GSE1: variants seen among roughly 807,000 people sequenced by gnomAD.
GSE1 encodes genetic suppressor element 1.
A neutral mutation model predicts 112.6 loss-of-function variants in GSE1; 32 were observed. That is an observed-to-expected ratio of 0.28 (90% confidence interval 0.21 to 0.38). GSE1 has a LOEUF of 0.38. GSE1 is among the 10% of genes least tolerant of loss of function. The pLI, the probability that GSE1 is intolerant of heterozygous loss-of-function variation, is 1.00. For missense variants in GSE1, 2,348 were observed against 1,699.2 expected, an observed-to-expected ratio of 1.38 and a Z score of -6.71; for synonymous variants, 1,115 against 735.6, an observed-to-expected ratio of 1.52 and a Z score of -8.35.
intron 2 of GSE1, among the ~76,000 whole-genome samples, chr16:85,450,965 T>G (rs1340905293): frequency 6.7e-6 from 1 of 148,880 alleles, no homozygotes; most frequent in Non-Finnish European, 1.5e-5. Flanking sequence ...TCCCAGCTAC[T>G]AGGGAGGCCA....
chr16:85,385,333 T>C (rs1477690159), intron 2 of GSE1, among the ~76,000 whole-genome samples: 2 of 152,216 alleles, frequency 1.3e-5, no homozygotes, highest in East Asian at 3.8e-4. Flanking sequence ...CCTGACGCCA[T>C]CTGTGTGTGA....
chr16:85,343,790 G>A (rs1017530720), intron 1 of GSE1, among the ~76,000 whole-genome samples: 2 of 152,126 alleles, frequency 1.3e-5, no homozygotes, highest in Non-Finnish European at 2.9e-5. Flanking sequence ...TCAAAATGAT[G>A]TCTCTTCAGC....
chr16:85,279,634 A>T (rs1396221655), intron 1 of GSE1, among the ~76,000 whole-genome samples: 60 of 149,450 alleles, frequency 4.0e-4, no homozygotes, highest in African/African-American at 1.5e-3. Flanking sequence ...AATCAATCAA[A>T]CAGTGATGTA....
chr16:85,461,923 G>A (rs1018582260), intron 2 of GSE1, among the ~76,000 whole-genome samples: 1 of 152,088 alleles, frequency 6.6e-6, no homozygotes, highest in Admixed American at 6.5e-5. Flanking sequence ...TCTCCTCCCA[G>A]CCCATGGCTC....
intron 1 of GSE1, among the ~76,000 whole-genome samples, chr16:85,204,573 C>T (rs2075083019): frequency 6.6e-6 from 1 of 152,246 alleles, no homozygotes; most frequent in African/African-American, 2.4e-5. Context: ...CACCACCTCA[C>T]CAGCACTTCT....
intron 1 of GSE1, among the ~76,000 whole-genome samples, chr16:85,231,409 GGGATGGAT>G (rs56082032): frequency 4.7e-5 from 7 of 147,862 alleles, no homozygotes; most frequent in East Asian, 2.1e-4. Context: ...GCTGGACAGA[GGGATGGAT>G]GGATGGATGG....
Position 85,620,447 on chromosome 16 carries a change from G to A in GSE1, c.7+7049G>A, listed in dbSNP as rs545829051. ...ATTTTTTCCATTCACTTAAATATACGAGGATCCACTAGACAGCCGATGCTA... is the reference window on the plus strand; with the variant it reads ...ATTTTTTCCATTCACTTAAATATACAAGGATCCACTAGACAGCCGATGCTA... On this transcript the variant is annotated intron_variant, in intron 1 of 15. Transcript: ENST00000253458. Among the ~76,000 whole-genome samples the A allele has an allele frequency of 5.3e-5, 8 of 152,286 alleles. No individual in the cohort carries two copies. In the South Asian group the frequency reaches 1.2e-3, roughly 24 times the overall value.
intron 1 of GSE1, among the ~76,000 whole-genome samples, chr16:85,580,715 G>C (rs2046413732): frequency 1.3e-5 from 2 of 152,224 alleles, no homozygotes; most frequent in Admixed American, 1.3e-4. Context: ...TAAGGAAATA[G>C]TTATGGTTAA....
chr16:85,180,070 G>C (rs2074550439), intron 1 of GSE1, among the ~76,000 whole-genome samples: 1 of 152,266 alleles, frequency 6.6e-6, no homozygotes, highest in South Asian at 2.1e-4. Flanking sequence ...GCCTGGCTCT[G>C]TGAGCCCATG....
chr16:85,453,820 G>A (rs1027486852), intron 2 of GSE1, among the ~76,000 whole-genome samples: 1 of 152,178 alleles, frequency 6.6e-6, no homozygotes, highest in African/African-American at 2.4e-5. Context: ...TCTGACCTCG[G>A]CCGGCCCCAC....
At position 85,665,000 on chromosome 16, in the gene GSE1, C is replaced by G; in HGVS notation, c.2645-15C>G. On this transcript the variant is annotated splice_polypyrimidine_tract_variant and intron_variant, in intron 11 of 15. Coordinates refer to ENST00000253458, the MANE Select transcript of GSE1 (RefSeq NM_014615.5). ...ATGCAACTGGCTCGTTAATCTCAGGCTGCTTTTCTCATAGACAAAGAGAGA... is the reference window on the plus strand; with the variant it reads ...ATGCAACTGGCTCGTTAATCTCAGGGTGCTTTTCTCATAGACAAAGAGAGA... The G allele has an allele frequency of 1.3e-6, 2 of 1,512,460 alleles. No individual in the cohort carries two copies. Among genetic ancestry groups the G allele is most frequent in the Non-Finnish European group, 1.8e-6 (2 of 1,087,654 alleles). The allele number at this position is 1,512,460 out of a possible 1,614,324, so 93.7% of individuals were successfully genotyped here.
At chr16:85,599,013 T>C (rs1014928662) in intron 1 of GSE1, among the ~76,000 whole-genome samples, 6 of 152,220 alleles carry the variant, frequency 3.9e-5, no homozygotes, top group Non-Finnish European at 8.8e-5. Context: ...TCTTGGATGT[T>C]GTGAATTAAA....
chr16:85,479,506 G>A (rs1381726310), intron 2 of GSE1, among the ~76,000 whole-genome samples: 1 of 152,016 alleles, frequency 6.6e-6, no homozygotes, highest in Non-Finnish European at 1.5e-5. Flanking sequence ...GTTTCTCCAC[G>A]TTGACCAGGC....
intron 1 of GSE1, among the ~76,000 whole-genome samples, chr16:85,295,965 G>A (rs1159396058): frequency 2.0e-5 from 3 of 152,060 alleles, no homozygotes; most frequent in African/African-American, 4.8e-5. Flanking sequence ...AAGGGCGACC[G>A]TCACTGCTGC....
chr16:85,391,791 C>T (rs1449116469), intron 2 of GSE1, among the ~76,000 whole-genome samples: 1 of 152,126 alleles, frequency 6.6e-6, no homozygotes, highest in Non-Finnish European at 1.5e-5. Flanking sequence ...GCTTGTGGGG[C>T]CTCACTGGCA....
chr16:85,603,982 C>T (rs2047575441), intron 1 of GSE1, among the ~76,000 whole-genome samples: 1 of 152,092 alleles, frequency 6.6e-6, no homozygotes, highest in Admixed American at 6.5e-5. Flanking sequence ...ATAATTGGTT[C>T]ATGGTTCTGC....
At chr16:85,305,269 C>A (rs577050193) in intron 1 of GSE1, among the ~76,000 whole-genome samples, 3 of 152,320 alleles carry the variant, frequency 2.0e-5, no homozygotes, top group African/African-American at 4.8e-5. Context: ...ACGATGGACC[C>A]TGGGCATCAG....
At chr16:85,424,840 G>A (rs944797583) in intron 2 of GSE1, among the ~76,000 whole-genome samples, 7 of 152,250 alleles carry the variant, frequency 4.6e-5, no homozygotes, top group African/African-American at 1.4e-4. Flanking sequence ...CGCTGCCCGC[G>A]CAGCTGTCAC....
intron 1 of GSE1, among the ~76,000 whole-genome samples, chr16:85,628,080 C>T (rs1014048832): frequency 4.0e-4 from 61 of 152,198 alleles, no homozygotes; most frequent in African/African-American, 1.4e-3. Context: ...TCACAGCAGG[C>T]CCAGGGGGAC....
Sources: allele counts gnomAD v4.1 joint callset (sites outside exome capture counted in the v4.1 genomes callset), GRCh38; gene constraint gnomAD v4.1.1; transcripts MANE v1.5; gene names NCBI Gene and HGNC (gene_info 2026-07-23, HGNC 2026-07-21).